The following SLC44A5 variants were observed in gnomAD, a reference collection of about 807,000 sequenced individuals.
SLC44A5 encodes solute carrier family 44 member 5.
SLC44A5 carries 57 observed loss-of-function variants against 101.8 expected under a neutral mutation model. The observed-to-expected ratio is 0.56, with a 90% CI of 0.45 to 0.70. The LOEUF (loss-of-function observed/expected upper bound fraction) is 0.70, where lower values mean the gene tolerates loss of function less well. Among genes scored for constraint, SLC44A5 ranks in the 30% least tolerant of loss-of-function variants. The probability of loss-of-function intolerance (pLI) is 0.00; values close to 1 mark genes in which losing one functional copy is unlikely to be tolerated. For synonymous variants in SLC44A5, 281 were observed against 290.9 expected, an observed-to-expected ratio of 0.97 and a Z score of 0.35; for missense variants, 737 against 853.1, an observed-to-expected ratio of 0.86 and a Z score of 1.70.
the SLC44A5 span, among the ~76,000 whole-genome samples, chr1:75,663,878 T>A: frequency 6.6e-6 from 1 of 152,068 alleles, no homozygotes; most frequent in African/African-American, 2.4e-5. Context: ...CTGGCCAATA[T>A]CCCTGATGAA....
intron 2 of SLC44A5, among the ~76,000 whole-genome samples, chr1:75,441,526 GAAAAAAC>G (rs1665199835): frequency 6.6e-6 from 1 of 151,304 alleles, no homozygotes; most frequent in East Asian, 1.9e-4. Context: ...GGCCAAAGGT[GAAAAAAC>G]AGTATATAAC....
Position 75,540,052 on chromosome 1 carries a change from C to T in SLC44A5, c.13+1383G>A, listed in dbSNP as rs531381735. ...ACACTTTGCTTTCAGCTCACATAAG[C>T]CAATCTAAATATAATGTAGTTGAAA... On this transcript the variant is annotated intron_variant, in intron 2 of 23. Transcript: ENST00000370859. 3.7e-5 allele frequency among the ~76,000 whole-genome samples: 3 copies of T among 82,120 alleles called. No homozygotes were observed. In the South Asian group the frequency reaches 1.0e-3, roughly 29 times the overall value. 53.9% of individuals were successfully genotyped at this position (82,120 alleles called of 152,430 possible).
chr1:75,475,448 C>A (rs577180593), intron 2 of SLC44A5, among the ~76,000 whole-genome samples: 2 of 152,338 alleles, frequency 1.3e-5, no homozygotes, highest in African/African-American at 2.4e-5. Context: ...AGTATTATTT[C>A]TCTGATTACT....
intron 5 of SLC44A5, among the ~76,000 whole-genome samples, chr1:75,281,909 A>C (rs955039200): frequency 6.6e-6 from 1 of 152,184 alleles, no homozygotes; most frequent in Non-Finnish European, 1.5e-5. Flanking sequence ...AACCTCATGG[A>C]GAACCTCTGC....
At chr1:75,231,871 T>C (rs1647602636) in intron 12 of SLC44A5, among the ~76,000 whole-genome samples, 1 of 152,182 alleles carries the variant, frequency 6.6e-6, no homozygotes, top group East Asian at 1.9e-4. Flanking sequence ...ATGAGAATTG[T>C]TCCATTGCTG....
intron 1 of SLC44A5, among the ~76,000 whole-genome samples, chr1:75,610,067 C>T (rs929381956): frequency 6.6e-6 from 1 of 150,504 alleles, no homozygotes; most frequent in African/African-American, 2.4e-5. Flanking sequence ...CAAGTTGTTG[C>T]TATTAGCAGG....
At chr1:75,284,750 G>C (rs1230506193) in intron 5 of SLC44A5, among the ~76,000 whole-genome samples, 1 of 152,052 alleles carries the variant, frequency 6.6e-6, no homozygotes, top group East Asian at 1.9e-4. Context: ...TGCTTTTCCT[G>C]TGTCTATTGA....
chr1:75,690,718 A>G, the SLC44A5 span, among the ~76,000 whole-genome samples: 22 of 152,182 alleles, frequency 1.4e-4, no homozygotes, highest in African/African-American at 5.3e-4. Flanking sequence ...CACATCCACC[A>G]AGGCCATGAC....
chr1:75,499,145 G>A (rs192812213), intron 2 of SLC44A5, among the ~76,000 whole-genome samples: 1 of 152,232 alleles, frequency 6.6e-6, no homozygotes, highest in African/African-American at 2.4e-5. Context: ...ATAACATCTA[G>A]GTTTGTGTAA....
Position 75,569,485 on chromosome 1 carries a change from G to C in SLC44A5, c.-69-27969C>G, listed in dbSNP as rs145969264. On this transcript the variant is annotated intron_variant, in intron 1 of 23. Coordinates refer to ENST00000370859, the MANE Select transcript of SLC44A5 (RefSeq NM_001130058.2). ...TCGAACTCATGGGCTCAAGTTATCT[G>C]CCCTCATAGGCCTCACAAAGTGCTG... Among the ~76,000 whole-genome samples, 866 of 152,102 alleles carry C rather than the reference G, an allele frequency of 5.7e-3. 15 individuals carry two copies. Among genetic ancestry groups the C allele is most frequent in the Admixed American group, 0.035 (532 of 15,258 alleles).
chr1:75,602,099 C>G (rs564642249), intron 1 of SLC44A5, among the ~76,000 whole-genome samples: 87 of 152,200 alleles, frequency 5.7e-4, no homozygotes, highest in African/African-American at 2.0e-3. Flanking sequence ...ACTTTTCTAC[C>G]ATTTACTGCT....
At chr1:75,602,584 C>T (rs1570720198) in intron 1 of SLC44A5, among the ~76,000 whole-genome samples, 1 of 152,098 alleles carries the variant, frequency 6.6e-6, no homozygotes, top group East Asian at 1.9e-4. Context: ...CCTTTAGTCA[C>T]CAATACTCTT....
At chr1:75,557,135 T>C (rs1672262794) in intron 1 of SLC44A5, among the ~76,000 whole-genome samples, 1 of 152,136 alleles carries the variant, frequency 6.6e-6, no homozygotes, top group South Asian at 2.1e-4. Context: ...TTTCTGCCAT[T>C]GCTACTAAGA....
At chr1:75,652,811 C>CA in the SLC44A5 span, among the ~76,000 whole-genome samples, 2 of 152,024 alleles carry the variant, frequency 1.3e-5, no homozygotes, top group East Asian at 3.9e-4. Context: ...AGAACAAAAA[C>CA]AAAAAAACAG....
chr1:75,416,609 T>C (rs1460674598), intron 2 of SLC44A5, among the ~76,000 whole-genome samples: 2 of 152,154 alleles, frequency 1.3e-5, no homozygotes, highest in Non-Finnish European at 2.9e-5. Context: ...GCTTGCACTG[T>C]GTGCCTGAAA....
rs201099981 is a variant in SLC44A5 at position 75,339,643 on chromosome 1, C to T, written c.53-13G>A. On this transcript the variant is annotated splice_polypyrimidine_tract_variant and intron_variant, in intron 3 of 23. Transcript: ENST00000370859. ...GTCCTTGGATCACCTGCATTTAAAA[C>T]AAAGACATTTTAAGCATATAAGCCA... 20 of 1,603,706 alleles carry T rather than the reference C, an allele frequency of 1.2e-5. No individual in the cohort carries two copies. The South Asian group carries it at 2.3e-4, about 18-fold the overall frequency.
intron 2 of SLC44A5, among the ~76,000 whole-genome samples, chr1:75,512,264 G>A (rs1460397519): frequency 6.6e-6 from 1 of 152,122 alleles, no homozygotes; most frequent in Non-Finnish European, 1.5e-5. Context: ...TCAATAAAGA[G>A]TACTAAAACC....
At chr1:75,219,427 G>T in intron 15 of SLC44A5, 83 bp from the exon 16 acceptor site, 1 of 897,696 alleles carries the variant, frequency 1.1e-6, no homozygotes, top group Middle Eastern at 2.2e-4. Context: ...CAACTCAAAA[G>T]TGCATGAGAA....
chr1:75,554,111 T>C (rs987630914), intron 1 of SLC44A5, among the ~76,000 whole-genome samples: 9 of 151,916 alleles, frequency 5.9e-5, no homozygotes, highest in African/African-American at 1.9e-4. Flanking sequence ...GAATAGAGAG[T>C]GATTAATTCT....
Sources: allele counts gnomAD v4.1 joint callset (sites outside exome capture counted in the v4.1 genomes callset), GRCh38; gene constraint gnomAD v4.1.1; transcripts MANE v1.5; gene names NCBI Gene and HGNC (gene_info 2026-07-23, HGNC 2026-07-21).